CDKAL1: variants seen among roughly 807,000 people sequenced by gnomAD.
CDKAL1 encodes the protein CDKAL1 threonylcarbamoyladenosine tRNA methylthiotransferase.
CDKAL1 carries 32 observed loss-of-function variants against 68.2 expected under a neutral mutation model. That is an observed-to-expected ratio of 0.47 (90% CI 0.35 to 0.63). CDKAL1 has a LOEUF of 0.63. Ranked by LOEUF, CDKAL1 falls within the 30% of genes least tolerant of loss-of-function variation. The probability of loss-of-function intolerance (pLI) is 0.00; values close to 1 mark genes in which losing one functional copy is unlikely to be tolerated. For synonymous variants in CDKAL1, 234 were observed against 244.3 expected (o/e 0.96, Z 0.39); for missense variants, 606 against 696.7 (o/e 0.87, Z 1.47).
intron 13 of CDKAL1, among the ~76,000 whole-genome samples, chr6:21,114,820 A>G (rs1467049991): frequency 6.6e-6 from 1 of 152,238 alleles, no homozygotes; most frequent in East Asian, 1.9e-4. Flanking sequence ...GTGTATCAGG[A>G]CAATGAATTT....
At chr6:21,052,536 T>G (rs1016343872) in intron 11 of CDKAL1, among the ~76,000 whole-genome samples, 4 of 137,972 alleles carry the variant, frequency 2.9e-5, no homozygotes, top group Non-Finnish European at 4.8e-5. Context: ...TTTAATTGGT[T>G]GTTTTTTTTT....
At position 20,859,317 on chromosome 6, in the gene CDKAL1, G is replaced by T. The variant is rs187124633; in HGVS notation, c.742+13139G>T. Among the ~76,000 whole-genome samples the T allele has an allele frequency of 2.4e-4, 37 of 152,032 alleles. 1 individual carries two copies. The highest frequency in any genetic ancestry group is 3.4e-4 in the African/African-American group (14 of 41,396). ...ACTTAAAAAAAAAAGAAAAAAAATG[G>T]TGTTATGAAGATCTGCTTCAGGGGA... On this transcript the variant is annotated intron_variant, in intron 9 of 15. Transcript: ENST00000274695.
At chr6:20,747,724 G>T (rs1187469936) in intron 6 of CDKAL1, among the ~76,000 whole-genome samples, 1 of 151,996 alleles carries the variant, frequency 6.6e-6, no homozygotes, top group Non-Finnish European at 1.5e-5. Flanking sequence ...GTATATTTTG[G>T]ACATGAACCC....
At chr6:21,137,145 A>G (rs1043854440) in intron 13 of CDKAL1, among the ~76,000 whole-genome samples, 1 of 152,200 alleles carries the variant, frequency 6.6e-6, no homozygotes, top group Non-Finnish European at 1.5e-5. Context: ...TGTCAGCATT[A>G]ATGTGAACAA....
chr6:20,677,201 G>C (rs1770156244), intron 5 of CDKAL1, among the ~76,000 whole-genome samples: 1 of 151,738 alleles, frequency 6.6e-6, no homozygotes. Flanking sequence ...CTCCCTAGTA[G>C]TTGGGATTAC....
intron 13 of CDKAL1, among the ~76,000 whole-genome samples, chr6:21,191,967 A>G (rs72838040): frequency 0.059 from 7,276 of 124,148 alleles, 254 homozygotes; most frequent in Middle Eastern, 0.09. Context: ...ATAGTTTTAC[A>G]GGAATATTTT....
intron 12 of CDKAL1, among the ~76,000 whole-genome samples, chr6:21,105,002 T>C (rs1334034782): frequency 6.6e-6 from 1 of 152,236 alleles, no homozygotes; most frequent in African/African-American, 2.4e-5. Context: ...GCTACCTATT[T>C]TATTTTATCT....
chr6:21,185,945 A>G lies in CDKAL1; in HGVS notation c.1300-12076A>G, dbSNP rs529355665. Among the ~76,000 whole-genome samples, 3 of 152,102 alleles carry G rather than the reference A, an allele frequency of 2.0e-5. No individual in the cohort carries two copies. The East Asian group carries it at 5.8e-4, about 29-fold the overall frequency. ...GCAGGAGAGGAAATCAGAATAAAGCATTGAGATGCAGGTGCACAGTAATAC... is the reference window on the plus strand; with the variant it reads ...GCAGGAGAGGAAATCAGAATAAAGCGTTGAGATGCAGGTGCACAGTAATAC... On this transcript the variant is annotated intron_variant, in intron 13 of 15. Coordinates refer to ENST00000274695, the MANE Select transcript of CDKAL1 (RefSeq NM_017774.3).
At chr6:21,211,907 G>A (rs559417505) in intron 15 of CDKAL1, among the ~76,000 whole-genome samples, 7 of 152,094 alleles carry the variant, frequency 4.6e-5, no homozygotes, top group African/African-American at 1.2e-4. Flanking sequence ...TCAGACATGC[G>A]CCACTGTGCC....
intron 13 of CDKAL1, among the ~76,000 whole-genome samples, chr6:21,153,508 G>A (rs1478383019): frequency 1.3e-5 from 2 of 152,054 alleles, no homozygotes; most frequent in East Asian, 1.9e-4. Context: ...GCCCATATGA[G>A]AAGACGGGTA....
chr6:20,926,798 A>G (rs1763205882), intron 9 of CDKAL1, among the ~76,000 whole-genome samples: 1 of 151,834 alleles, frequency 6.6e-6, no homozygotes, highest in African/African-American at 2.4e-5. Flanking sequence ...ACTTTTATGA[A>G]CATAGTGGGC....
At chr6:20,895,294 C>T (rs554257859) in intron 9 of CDKAL1, among the ~76,000 whole-genome samples, 21 of 152,266 alleles carry the variant, frequency 1.4e-4, no homozygotes, top group Admixed American at 1.2e-3. Context: ...CAATTACAAA[C>T]AATGCAATTG....
chr6:20,920,852 C>T (rs1762921388), intron 9 of CDKAL1, among the ~76,000 whole-genome samples: 1 of 152,108 alleles, frequency 6.6e-6, no homozygotes, highest in South Asian at 2.1e-4. Context: ...GATACTGGCC[C>T]AGTCATTTTG....
intron 5 of CDKAL1, among the ~76,000 whole-genome samples, chr6:20,718,862 A>G (rs1772213770): frequency 6.6e-6 from 1 of 152,192 alleles, no homozygotes; most frequent in South Asian, 2.1e-4. Flanking sequence ...AAAAGAAAAA[A>G]TGTCTAATGA....
chr6:20,621,393 C>T (rs1017948371), intron 4 of CDKAL1, among the ~76,000 whole-genome samples: 3 of 151,856 alleles, frequency 2.0e-5, no homozygotes, highest in African/African-American at 7.3e-5. Flanking sequence ...TAACCTGAAA[C>T]CTGGTAGAAG....
chr6:21,125,102 C>G (rs994064001), intron 13 of CDKAL1, among the ~76,000 whole-genome samples: 3 of 152,120 alleles, frequency 2.0e-5, no homozygotes, highest in African/African-American at 7.2e-5. Flanking sequence ...CATCCAAAAT[C>G]TCATCTTGAA....
intron 4 of CDKAL1, among the ~76,000 whole-genome samples, chr6:20,594,522 TA>T (rs1181125057): frequency 6.6e-6 from 1 of 152,132 alleles, no homozygotes; most frequent in Non-Finnish European, 1.5e-5. Flanking sequence ...TTTTGCTTCC[TA>T]TTTGCTTGGT....
chr6:21,072,203 T>C (rs1771813186), intron 12 of CDKAL1, among the ~76,000 whole-genome samples: 1 of 152,210 alleles, frequency 6.6e-6, no homozygotes, highest in Non-Finnish European at 1.5e-5. Context: ...ACTTCGCCTC[T>C]TAGATTTTGT....
chr6:20,860,936 T>TA (rs1561838365), intron 9 of CDKAL1, among the ~76,000 whole-genome samples: 6 of 145,606 alleles, frequency 4.1e-5, no homozygotes, highest in Non-Finnish European at 9.1e-5. Flanking sequence ...GTGGTCTATT[T>TA]TTTTTTTTTT....
Sources: allele counts gnomAD v4.1 joint callset (sites outside exome capture counted in the v4.1 genomes callset), GRCh38; gene constraint gnomAD v4.1.1; transcripts MANE v1.5; gene names NCBI Gene and HGNC (gene_info 2026-07-23, HGNC 2026-07-21).